TMEM268: variants seen among roughly 807,000 people sequenced by gnomAD.
TMEM268 encodes transmembrane protein 268, also known as transmembrane protein C9orf91.
TMEM268 carries 24 observed loss-of-function variants against 39.1 expected under a neutral mutation model. The ratio of observed to expected loss-of-function variants is 0.61; its 90% CI spans 0.44 to 0.86. TMEM268 has a LOEUF of 0.86. TMEM268 is among the 40% of genes least tolerant of loss of function. The probability of loss-of-function intolerance (pLI) is 0.00; values close to 1 mark genes in which losing one functional copy is unlikely to be tolerated. For missense variants in TMEM268, 409 were observed against 428.6 expected (o/e 0.95, Z 0.40); for synonymous variants, 176 against 173.5 (o/e 1.01, Z -0.12).
chr9:114,643,961 C>G lies in TMEM268; in HGVS notation c.*648C>G, dbSNP rs1214199044. ...AGAGACAGAAGAAAGAGATCAAGGGCAGATAACTGTTGATAGGAATATTTG... is the reference window on the plus strand; with the variant it reads ...AGAGACAGAAGAAAGAGATCAAGGGGAGATAACTGTTGATAGGAATATTTG... On this transcript the variant is annotated 3_prime_UTR_variant, in exon 9 of 9. Coordinates refer to ENST00000288502, the MANE Select transcript of TMEM268 (RefSeq NM_153045.4). 1.3e-5 allele frequency: 2 copies of G among 152,264 alleles called. No individual in the cohort carries two copies. The highest frequency in any genetic ancestry group is 6.5e-5 in the Admixed American group (1 of 15,280). 9.4% of individuals were successfully genotyped at this position (152,264 alleles called of 1,614,324 possible). A position where few individuals can be genotyped will look rare whatever the true frequency, so the allele number is the denominator to read the frequency against.
chr9:114,617,051 C>A, intron 1 of TMEM268, 67 bp from the exon 2 acceptor site: 2 of 566,802 alleles, frequency 3.5e-6, no homozygotes, highest in Non-Finnish European at 3.1e-6. Flanking sequence ...GCCCTGGAGA[C>A]AGCCCCTAGG....
At chr9:114,606,169 G>T in the TMEM268 span, among the ~76,000 whole-genome samples, 3 of 152,102 alleles carry the variant, frequency 2.0e-5, no homozygotes, top group African/African-American at 7.2e-5. Context: ...CGCTAGAGGG[G>T]AGTTCTCCCT....
At chr9:114,639,498 C>T (rs1465649358) in intron 8 of TMEM268, among the ~76,000 whole-genome samples, 1 of 152,046 alleles carries the variant, frequency 6.6e-6, no homozygotes, top group Non-Finnish European at 1.5e-5. Context: ...CACTGGCAGA[C>T]CAGAATTCTG....
upstream of TMEM268, among the ~76,000 whole-genome samples, chr9:114,606,892 T>A (rs1266160439): frequency 6.6e-6 from 1 of 151,952 alleles, no homozygotes; most frequent in Admixed American, 6.6e-5. Flanking sequence ...CACCAAGATG[T>A]AAGTTTTGAT....
upstream of TMEM268, among the ~76,000 whole-genome samples, chr9:114,610,251 C>A (rs567635078): frequency 6.6e-6 from 1 of 152,290 alleles, no homozygotes; most frequent in South Asian, 2.1e-4. Context: ...GTTGATCAGG[C>A]TGGTCTCGAA....
intron 1 of TMEM268, chr9:114,615,358 A>G (rs1845662878): frequency 6.6e-6 from 1 of 152,266 alleles, no homozygotes; most frequent in Non-Finnish European, 1.5e-5. Context: ...TGGGGAGGGT[A>G]CCCAGATTTG....
chr9:114,621,345 C>A (rs1207789705), intron 2 of TMEM268, among the ~76,000 whole-genome samples: 176 of 135,860 alleles, frequency 1.3e-3, no homozygotes, highest in African/African-American at 1.4e-3. Flanking sequence ...GATGCTGTCT[C>A]AAAAAAAAAA....
intron 2 of TMEM268, among the ~76,000 whole-genome samples, chr9:114,621,200 C>T (rs1220795561): frequency 6.6e-6 from 1 of 151,732 alleles, no homozygotes; most frequent in Non-Finnish European, 1.5e-5. Flanking sequence ...AAAAAATTAG[C>T]TGAGTGTGGT....
chr9:114,624,745 G>A (rs968223935), intron 3 of TMEM268, among the ~76,000 whole-genome samples: 3 of 152,246 alleles, frequency 2.0e-5, no homozygotes, highest in Non-Finnish European at 4.4e-5. Flanking sequence ...TCCCAGCGGG[G>A]AAGATGGACG....
the TMEM268 span, among the ~76,000 whole-genome samples, chr9:114,605,287 T>C: frequency 6.6e-6 from 1 of 152,230 alleles, no homozygotes; most frequent in African/African-American, 2.4e-5. Context: ...TCAGTGGCTC[T>C]GAAATTACTG....
At chr9:114,633,077 C>G (rs971492469) in intron 5 of TMEM268, among the ~76,000 whole-genome samples, 1 of 152,148 alleles carries the variant, frequency 6.6e-6, no homozygotes. Context: ...CTTACTATAA[C>G]CTCACACTCC....
chr9:114,604,109 G>A, the TMEM268 span, among the ~76,000 whole-genome samples: 1 of 152,044 alleles, frequency 6.6e-6, no homozygotes, highest in Non-Finnish European at 1.5e-5. Flanking sequence ...TTGCAATCCG[G>A]CTTTTGCATC....
In TMEM268 at chr9:114,626,957, G is replaced by A; in HGVS notation, c.275G>A (p.Arg92Lys). The change falls in exon 4 of 9, where the codon AGA becomes AAA. Residue 92 changes from arginine to lysine, a missense_variant. Transcript: ENST00000288502. ...AGTGCCCTCTTGGAGCCCCAAGTGAGAAGATATATCATCTACAACTCGAGG... is the reference window on the plus strand; with the variant it reads ...AGTGCCCTCTTGGAGCCCCAAGTGAAAAGATATATCATCTACAACTCGAGG... ...AESALLEPQVRRYIIYNSRPM... is the reference protein window; with the variant it reads ...AESALLEPQVKRYIIYNSRPM... 6.2e-7 allele frequency: 1 copy of A among 1,613,788 alleles called. No individual in the cohort carries two copies. The highest frequency in any genetic ancestry group is 8.5e-7 in the Non-Finnish European group (1 of 1,179,722).
intron 2 of TMEM268, among the ~76,000 whole-genome samples, chr9:114,622,918 G>A (rs1462510607): frequency 6.6e-6 from 1 of 151,948 alleles, no homozygotes; most frequent in Non-Finnish European, 1.5e-5. Flanking sequence ...TGGCGAAACT[G>A]TGTCTCTACT....
chr9:114,637,248 T>A (rs376957564), intron 7 of TMEM268, among the ~76,000 whole-genome samples, 178 bp downstream of exon 7: 3 of 151,794 alleles, frequency 2.0e-5, no homozygotes, highest in African/African-American at 7.3e-5. Flanking sequence ...TTTTAATGCC[T>A]CGCTTCTTCT....
chr9:114,635,000 G>A (rs1054223170), intron 6 of TMEM268, among the ~76,000 whole-genome samples: 15 of 152,084 alleles, frequency 9.9e-5, no homozygotes, highest in East Asian at 1.9e-4. Context: ...CCGTTGGCAC[G>A]TAGGAGTGGC....
At chr9:114,605,712 G>T in the TMEM268 span, among the ~76,000 whole-genome samples, 1 of 152,096 alleles carries the variant, frequency 6.6e-6, no homozygotes, top group African/African-American at 2.4e-5. Context: ...CTTGAGCTTA[G>T]GTGATCGATG....
chr9:114,617,437 G>T, intron 2 of TMEM268, 136 bp downstream of exon 2: 1 of 724,456 alleles, frequency 1.4e-6, no homozygotes, highest in Non-Finnish European at 2.4e-6. Context: ...TACCAGTTCT[G>T]TCTCTTGGCC....
chr9:114,613,422 C>T (rs960267561), intron 1 of TMEM268, among the ~76,000 whole-genome samples: 2 of 152,310 alleles, frequency 1.3e-5, no homozygotes, highest in East Asian at 3.9e-4. Context: ...CCCCTAGCTA[C>T]GATGTCCCTT....
Sources: gnomAD v4.1 joint callset for allele counts (sites outside exome capture counted in the v4.1 genomes callset) on GRCh38, gnomAD v4.1.1 for gene constraint, MANE v1.5 for transcripts, NCBI Gene and HGNC (gene_info 2026-07-23, HGNC 2026-07-21) for gene names.